The following TMF1 variants were observed in gnomAD, a reference collection of about 807,000 sequenced individuals.
TMF1 encodes the protein TATA element modulatory factor 1.
Under a neutral mutation model 126.5 loss-of-function variants are expected in TMF1, and 71 were observed. The ratio of observed to expected loss-of-function variants is 0.56; its 90% CI spans 0.46 to 0.68. The LOEUF (loss-of-function observed/expected upper bound fraction) is 0.68, where lower values mean the gene tolerates loss of function less well. Among genes scored for constraint, TMF1 ranks in the 30% least tolerant of loss-of-function variants. The pLI is 0.00. For synonymous variants in TMF1, 461 were observed against 430.5 expected (o/e 1.07, Z -0.88); for missense variants, 1,259 against 1,253.2 (o/e 1.00, Z -0.07).
At chr3:69,042,210 G>A in intron 5 of TMF1, 1 of 377,270 alleles carries the variant, frequency 2.7e-6, no homozygotes, top group Admixed American at 3.5e-5. Flanking sequence ...GCTAATTTTT[G>A]TATTTTTAGT....
chr3:69,047,278 T>C (rs2091900435), intron 2 of TMF1, 80 bp downstream of exon 2: 1 of 1,440,464 alleles, frequency 6.9e-7, no homozygotes, highest in Non-Finnish European at 9.3e-7. Flanking sequence ...TTATTATGCA[T>C]CAATGAAAGT....
intron 8 of TMF1, among the ~76,000 whole-genome samples, chr3:69,036,774 G>C (rs2091833697): frequency 6.6e-6 from 1 of 152,112 alleles, no homozygotes; most frequent in Non-Finnish European, 1.5e-5. Context: ...TGCAACAACT[G>C]GATATCCACA....
At position 69,038,590 on chromosome 3, in the gene TMF1, G is replaced by C. The variant is rs201513097; in HGVS notation, c.2125C>G (p.Gln709Glu). The change falls in exon 8 of 17, where the codon CAG (glutamine) becomes GAG (glutamate). Residue 709 changes from glutamine (Q) to glutamate (E), a missense_variant. By Grantham distance (29) the Gln-to-Glu change is conservative. Transcript: ENST00000398559. ...TGAATGGCTAATGTTTCTTGCTGCT[G>C]ACGGGCTTCTTCTTGGGCCTTCTCT... ...ALEKAQEEAR[Q>E]QQETLAIQVG... 6.2e-7 allele frequency: 1 copy of C among 1,614,038 alleles called. No individual in the cohort carries two copies. The highest frequency in any genetic ancestry group is 1.3e-5 in the African/African-American group (1 of 75,034).
chr3:69,036,822 C>T (rs1470865726), intron 8 of TMF1, among the ~76,000 whole-genome samples: 1 of 152,176 alleles, frequency 6.6e-6, no homozygotes, highest in African/African-American at 2.4e-5. Flanking sequence ...GACTACAAAA[C>T]TCTTAGAAGA....
Position 69,037,706 on chromosome 3 carries a change from T to C in TMF1, c.2151+858A>G, listed in dbSNP as rs1243284527. Among the ~76,000 whole-genome samples, 3 of 152,060 alleles carry C rather than the reference T, an allele frequency of 2.0e-5. No individual in the cohort carries two copies. The East Asian group carries it at 5.8e-4, about 29-fold the overall frequency. On this transcript the variant is annotated intron_variant, in intron 8 of 16. Coordinates refer to ENST00000398559, the MANE Select transcript of TMF1 (RefSeq NM_007114.3). Reference sequence around the variant, plus strand: ...CTGTAGTCCCAGCTACTCAGGAGGCTGAGGCAGAAGAATTGCTTGAATCCG... The same window carrying C: ...CTGTAGTCCCAGCTACTCAGGAGGCCGAGGCAGAAGAATTGCTTGAATCCG...
Position 69,052,067 on chromosome 3 carries a change from G to A in TMF1, c.20C>T (p.Ser7Phe). The change falls in exon 1 of 17, where the codon TCC becomes TTC. Residue 7 changes from serine (S) to phenylalanine (F), a missense_variant. Physicochemically the swap from Ser to Phe is radical, Grantham distance 155 (BLOSUM62 -2). Coordinates refer to ENST00000398559, the MANE Select transcript of TMF1 (RefSeq NM_007114.3). MSWFNA[S>F]QLSSFAKQAL... ...CTGCTTAGCGAAGCTGGAGAGCTGG[G>A]AGGCGTTGAACCAACTCATCGCCCC... 6.2e-7 allele frequency: 1 copy of A among 1,612,626 alleles called. No homozygotes were observed. The highest frequency in any genetic ancestry group is 1.3e-5 in the African/African-American group (1 of 75,012).
At chr3:69,030,844 G>T (rs1350613572) in intron 10 of TMF1, among the ~76,000 whole-genome samples, 1 of 152,192 alleles carries the variant, frequency 6.6e-6, no homozygotes, top group African/African-American at 2.4e-5. Flanking sequence ...TTTGTAAACA[G>T]TTTGGCATTT....
At chr3:69,043,944 A>G (rs991275352) in intron 3 of TMF1, 68 bp from the exon 4 acceptor site, 40 of 1,307,178 alleles carry the variant, frequency 3.1e-5, no homozygotes, top group African/African-American at 1.5e-4. Context: ...CATGAGTTCA[A>G]TTCTCAAAAG....
At chr3:69,026,638 A>C (rs561898033) in intron 13 of TMF1, among the ~76,000 whole-genome samples, 33 of 151,462 alleles carry the variant, frequency 2.2e-4, no homozygotes, top group Non-Finnish European at 2.9e-4. Context: ...AACAAACAAA[A>C]AAAAAGTACA....
chr3:69,024,463 G>A, intron 15 of TMF1: 1 of 186,336 alleles, frequency 5.4e-6, no homozygotes, highest in Non-Finnish European at 1.1e-5. Flanking sequence ...CTAATCTAAG[G>A]AAATGACATA....
In TMF1 at chr3:69,047,679, G is replaced by T; in HGVS notation, c.1026C>A (p.Ile342=). Residue 342 remains isoleucine, a synonymous_variant, in exon 2 of 17, where the codon ATC becomes ATA. Transcript: ENST00000398559. ...TGCCTGACAATTCATCATCTGAATTGATTTCACTTACACTCCGGCTATCTA... is the reference window on the plus strand; with the variant it reads ...TGCCTGACAATTCATCATCTGAATTTATTTCACTTACACTCCGGCTATCTA... ...QSLDSRSVSE[I]NSDDELSGKG... The T allele has an allele frequency of 6.2e-7, 1 of 1,614,066 alleles. No homozygotes were observed. The highest frequency in any genetic ancestry group is 1.1e-5 in the South Asian group (1 of 91,058).
chr3:69,051,810 G>T, intron 1 of TMF1, 135 bp downstream of exon 1: 1 of 1,075,018 alleles, frequency 9.3e-7, no homozygotes, highest in Non-Finnish European at 1.3e-6. Flanking sequence ...GCAGCATTAG[G>T]GAACGGGCCG....
In TMF1 at chr3:69,020,928, TA is replaced by T. The variant is rs1329630678; in HGVS notation, c.*2248del. 6.6e-6 allele frequency: 1 copy of T among 152,226 alleles called. No individual in the cohort carries two copies. Among genetic ancestry groups the T allele is most frequent in the African/African-American group, 2.4e-5 (1 of 41,460 alleles). The allele number at this position is 152,226 out of a possible 1,614,324, so 9.4% of individuals were successfully genotyped here. A position where few individuals can be genotyped will look rare whatever the true frequency, so the allele number is the denominator to read the frequency against. On this transcript the variant is annotated 3_prime_UTR_variant, in exon 17 of 17. Transcript: ENST00000398559. The stretch of plus-strand genomic sequence containing the variant: ...AGTTTTTTTCTACTAGTGGATATTT[TA>T]AAGGGACTATTTTATAATTCCAAAA...
rs575956932 is a variant in TMF1, at chr3:69,028,629, T to C, written c.2595-334A>G. Among the ~76,000 whole-genome samples, 8 of 152,378 alleles carry C rather than the reference T, an allele frequency of 5.3e-5. No individual in the cohort carries two copies. In the South Asian group the frequency reaches 1.2e-3, roughly 24 times the overall value. On this transcript the variant is annotated intron_variant, in intron 11 of 16. Coordinates refer to ENST00000398559, the MANE Select transcript of TMF1 (RefSeq NM_007114.3). ...CCACAAAGCTTATTAGGGAGTTCTA[T>C]GAAAATGTTTCTAAAAGTTCAGATA...
chr3:69,045,071 T>G (rs796239797), intron 2 of TMF1, among the ~76,000 whole-genome samples: 35 of 152,336 alleles, frequency 2.3e-4, no homozygotes, highest in African/African-American at 7.9e-4. Context: ...CCTCTATATT[T>G]TAGCTAGGTG....
chr3:69,023,047 T>TA lies in TMF1; in HGVS notation c.*129dup, dbSNP rs1313002350. 5 of 813,228 alleles carry TA rather than the reference T, an allele frequency of 6.1e-6. No individual in the cohort carries two copies. Among genetic ancestry groups the TA allele is most frequent in the African/African-American group, 3.5e-5 (2 of 56,888 alleles). The allele number at this position is 813,228 out of a possible 1,614,324, so 50.4% of individuals were successfully genotyped here. ...ATTACTACATAGTGTAAAACAATTT[T>TA]AAAAAAATTTTTACACTCTACAGTA... On this transcript the variant is annotated 3_prime_UTR_variant, in exon 17 of 17. Coordinates refer to ENST00000398559, the MANE Select transcript of TMF1 (RefSeq NM_007114.3).
At position 69,044,526 on chromosome 3, in the gene TMF1, C is replaced by G; in HGVS notation, c.1417G>C (p.Ala473Pro). ...TTATCAAAAGCTTCTTCTAGAAGTG[C>G]TTTTTCCTTACTAAGAGATAATAAC... ...AQLLSLSKEK[A>P]LLEEAFDNLK... Residue 473 changes from alanine to proline, a missense_variant, in exon 3 of 17, where the codon GCA (alanine) becomes CCA (proline). Coordinates refer to ENST00000398559, the MANE Select transcript of TMF1 (RefSeq NM_007114.3). The G allele has an allele frequency of 6.2e-7, 1 of 1,601,936 alleles. No homozygotes were observed. The highest frequency in any genetic ancestry group is 8.5e-7 in the Non-Finnish European group (1 of 1,176,564).
At chr3:69,042,481 C>A in intron 5 of TMF1, 1 of 489,020 alleles carries the variant, frequency 2.0e-6, no homozygotes, top group Non-Finnish European at 4.0e-6. Context: ...ACATAAATCC[C>A]AGAGTTACAC....
At chr3:69,024,222 C>CT in intron 15 of TMF1, 42 bp from the exon 16 acceptor site, 2 of 1,462,660 alleles carry the variant, frequency 1.4e-6, no homozygotes, top group Non-Finnish European at 1.8e-6. Context: ...CAAAACATAT[C>CT]TTTTTTAATA....
Sources: allele counts gnomAD v4.1 joint callset (sites outside exome capture counted in the v4.1 genomes callset), GRCh38; gene constraint gnomAD v4.1.1; transcripts MANE v1.5; gene names NCBI Gene and HGNC (gene_info 2026-07-23, HGNC 2026-07-21).